VPS13B: variants seen among roughly 807,000 people sequenced by gnomAD.
The protein encoded by VPS13B is vacuolar protein sorting 13 homolog B, also known as intermembrane lipid transfer protein VPS13B.
A neutral mutation model predicts 426.4 loss-of-function variants in VPS13B; 285 were observed. The ratio of observed to expected loss-of-function variants is 0.67; its 90% CI spans 0.61 to 0.74. The LOEUF (loss-of-function observed/expected upper bound fraction) is 0.74, where lower values mean the gene tolerates loss of function less well. Ranked by LOEUF, VPS13B falls within the 30% of genes least tolerant of loss-of-function variation. The pLI is 0.00. For synonymous variants in VPS13B, 1,676 were observed against 1,676.4 expected, an observed-to-expected ratio of 1.00 and a Z score of 0.01; for missense variants, 4,537 against 4,782.6, an observed-to-expected ratio of 0.95 and a Z score of 1.51.
At chr8:99,742,184 A>G (rs542005892) in intron 39 of VPS13B, among the ~76,000 whole-genome samples, 14 of 152,386 alleles carry the variant, frequency 9.2e-5, no homozygotes, top group Non-Finnish European at 1.8e-4. Flanking sequence ...CCATCAGAGA[A>G]TACTATAAAC....
chr8:99,732,392 G>C (rs1184358619), intron 39 of VPS13B, among the ~76,000 whole-genome samples: 1 of 152,120 alleles, frequency 6.6e-6, no homozygotes, highest in Admixed American at 6.5e-5. Context: ...AATAGGAAAG[G>C]ACCAAAACAG....
intron 24 of VPS13B, among the ~76,000 whole-genome samples, chr8:99,481,041 A>G (rs929848324): frequency 3.3e-5 from 5 of 152,218 alleles, no homozygotes; most frequent in African/African-American, 9.6e-5. Context: ...GAATATTGGA[A>G]TGACATCTCC....
In VPS13B at chr8:99,823,831, G is replaced by A. The variant is rs1436832739; in HGVS notation, c.9184-1G>A. ...ATTATTTTTTCTCAATTATCTTGTAGTTATGTCAGTTCTGCATTTCCTCCA... is the reference window on the plus strand; with the variant it reads ...ATTATTTTTTCTCAATTATCTTGTAATTATGTCAGTTCTGCATTTCCTCCA... On this transcript the variant is annotated splice_acceptor_variant, in intron 50 of 61. Coordinates refer to ENST00000357162, the MANE Select transcript of VPS13B (RefSeq NM_152564.5). LOFTEE classifies it high-confidence loss of function. 1 of 1,613,190 alleles carries A rather than the reference G, an allele frequency of 6.2e-7. No homozygotes were observed. The highest frequency in any genetic ancestry group is 8.5e-7 in the Non-Finnish European group (1 of 1,179,712).
At chr8:99,358,769 G>C (rs1238348076) in intron 19 of VPS13B, among the ~76,000 whole-genome samples, 6 of 152,100 alleles carry the variant, frequency 3.9e-5, no homozygotes, top group Non-Finnish European at 8.8e-5. Flanking sequence ...TTTACCTTTA[G>C]TGCCCTGCCA....
At chr8:99,203,700 G>T (rs141999925) in intron 17 of VPS13B, among the ~76,000 whole-genome samples, 1 of 152,220 alleles carries the variant, frequency 6.6e-6, no homozygotes, top group East Asian at 1.9e-4. Flanking sequence ...AAAATCACAA[G>T]CATTCCTATA....
At chr8:99,201,852 G>A (rs1444246544) in intron 17 of VPS13B, among the ~76,000 whole-genome samples, 1 of 152,084 alleles carries the variant, frequency 6.6e-6, no homozygotes, top group African/African-American at 2.4e-5. Flanking sequence ...TCACTGAATT[G>A]GAGTGTGAAG....
chr8:99,801,968 G>A (rs937912502), intron 43 of VPS13B, among the ~76,000 whole-genome samples: 5 of 152,020 alleles, frequency 3.3e-5, no homozygotes, highest in Admixed American at 2.0e-4. Flanking sequence ...TGGGCAACAC[G>A]GCAAAACACT....
chr8:99,391,680 C>T lies in VPS13B; in HGVS notation c.3058C>T (p.Pro1020Ser). The T allele has an allele frequency of 6.2e-7, 1 of 1,614,038 alleles. No individual in the cohort carries two copies. The highest frequency in any genetic ancestry group is 8.5e-7 in the Non-Finnish European group (1 of 1,180,012). Residue 1020 changes from proline to serine, a missense_variant, in exon 21 of 62, where the codon CCT becomes TCT. Transcript: ENST00000357162. ...TCAGGCCTCTGAATATGCCAGCAGCCCTGTAAAAACAAAAACGGTAACAGG... is the reference window on the plus strand; with the variant it reads ...TCAGGCCTCTGAATATGCCAGCAGCTCTGTAAAAACAAAAACGGTAACAGG... ...SYQASEYASS[P>S]VKTKTVTESR...
chr8:99,261,992 TA>T (rs35866492), intron 17 of VPS13B, among the ~76,000 whole-genome samples: 1 of 152,020 alleles, frequency 6.6e-6, no homozygotes, highest in Non-Finnish European at 1.5e-5. Flanking sequence ...CATTGCTGTT[TA>T]AAAAAAAGAA....
At chr8:99,735,466 G>A (rs2130433956) in intron 39 of VPS13B, among the ~76,000 whole-genome samples, 1 of 152,242 alleles carries the variant, frequency 6.6e-6, no homozygotes, top group East Asian at 1.9e-4. Flanking sequence ...CATGTGCAGA[G>A]GGAGGCAGAG....
chr8:99,810,894 AC>A (rs1296274303), intron 44 of VPS13B, among the ~76,000 whole-genome samples: 1 of 152,216 alleles, frequency 6.6e-6, no homozygotes, highest in Non-Finnish European at 1.5e-5. Context: ...CAAATGTGGG[AC>A]AAATGAGTCT....
Position 99,511,229 on chromosome 8 carries a change from T to C in VPS13B, c.4350T>C (p.His1450=). 6.2e-7 allele frequency: 1 copy of C among 1,614,132 alleles called. No individual in the cohort carries two copies. Among genetic ancestry groups the C allele is most frequent in the Non-Finnish European group, 8.5e-7 (1 of 1,180,000 alleles). ...LTSRNERRSF[H]KLSEGLMDGS... ...CAAGAAATGAGCGAAGAAGTTTTCATAAGTTATCTGAAGGCCTAATGGATG... is the reference window on the plus strand; with the variant it reads ...CAAGAAATGAGCGAAGAAGTTTTCACAAGTTATCTGAAGGCCTAATGGATG... The change falls in exon 29 of 62, where the codon CAT becomes CAC. Residue 1450 remains histidine, a synonymous_variant. Coordinates refer to ENST00000357162, the MANE Select transcript of VPS13B (RefSeq NM_152564.5).
At chr8:99,419,959 T>TC (rs1816280528) in intron 21 of VPS13B, among the ~76,000 whole-genome samples, 1 of 152,186 alleles carries the variant, frequency 6.6e-6, no homozygotes, top group Admixed American at 6.5e-5. Context: ...CTGAATAAAG[T>TC]CCATAAACAT....
chr8:99,612,690 A>G (rs1011473596), intron 33 of VPS13B, among the ~76,000 whole-genome samples: 2 of 152,082 alleles, frequency 1.3e-5, no homozygotes, highest in African/African-American at 4.8e-5. Flanking sequence ...TTGGAGTGGG[A>G]ATACAGTTGT....
intron 3 of VPS13B, among the ~76,000 whole-genome samples, chr8:99,065,867 CAGAG>C (rs1187166929): frequency 2.0e-5 from 3 of 152,174 alleles, no homozygotes; most frequent in African/African-American, 7.2e-5. Flanking sequence ...TAATAACAGA[CAGAG>C]AGCCAAATCA....
intron 26 of VPS13B, 30 bp downstream of exon 26, chr8:99,501,888 C>T (rs1821250418): frequency 6.3e-7 from 1 of 1,598,512 alleles, no homozygotes; most frequent in South Asian, 1.1e-5. Flanking sequence ...TCTTCCCTCC[C>T]TCCCTCTGTC....
chr8:99,375,780 C>A (rs1294662849), intron 19 of VPS13B, among the ~76,000 whole-genome samples: 1 of 152,140 alleles, frequency 6.6e-6, no homozygotes, highest in African/African-American at 2.4e-5. Context: ...CTACAAATTT[C>A]TTTACTATAG....
intron 30 of VPS13B, among the ~76,000 whole-genome samples, chr8:99,552,739 T>G (rs1272329714): frequency 6.6e-6 from 1 of 152,140 alleles, no homozygotes; most frequent in Non-Finnish European, 1.5e-5. Flanking sequence ...GGAGAAGTCC[T>G]GTGTGCACTT....
chr8:99,338,626 A>G (rs1322899219), intron 19 of VPS13B, among the ~76,000 whole-genome samples: 3 of 152,152 alleles, frequency 2.0e-5, no homozygotes, highest in Non-Finnish European at 4.4e-5. Flanking sequence ...AATGGATTCA[A>G]TGTTATAGTT....
Sources: gnomAD v4.1 joint callset for allele counts (sites outside exome capture counted in the v4.1 genomes callset) on GRCh38, gnomAD v4.1.1 for gene constraint, MANE v1.5 for transcripts, NCBI Gene and HGNC (gene_info 2026-07-23, HGNC 2026-07-21) for gene names.